ANKAR: variants seen among roughly 807,000 people sequenced by gnomAD.
ANKAR encodes ankyrin and armadillo repeat containing, also known as ankyrin and armadillo repeat-containing protein.
In ANKAR, 136 loss-of-function variants were observed where a neutral mutation model predicts 146.2. The observed-to-expected ratio is 0.93, with a 90% CI of 0.81 to 1.07. The LOEUF is 1.07. Ranked by LOEUF, ANKAR falls within the 50% of genes least tolerant of loss-of-function variation. ANKAR has a pLI of 0.00. For missense variants in ANKAR, 1,567 were observed against 1,679.9 expected, an observed-to-expected ratio of 0.93 and a Z score of 1.18; for synonymous variants, 500 against 575.8, an observed-to-expected ratio of 0.87 and a Z score of 1.88.
chr2:189,683,707 T>C (rs934518200), intron 2 of ANKAR, among the ~76,000 whole-genome samples: 5 of 152,226 alleles, frequency 3.3e-5, no homozygotes, highest in Admixed American at 3.3e-4. Context: ...TAAGTTGTTA[T>C]ATCACCATTC....
chr2:189,747,477 A>G (rs576985255), downstream of ANKAR: 2 of 152,368 alleles, frequency 1.3e-5, no homozygotes, highest in African/African-American at 2.4e-5. Flanking sequence ...ATTGCCCATC[A>G]AGTACATGAG....
rs113995284 is a variant in ANKAR, at chr2:189,696,334, A to G, written c.1673A>G (p.Lys558Arg). 41,589 of 1,613,940 alleles carry G rather than the reference A, an allele frequency of 0.026. 793 individuals carry two copies. Among genetic ancestry groups the G allele is most frequent in the African/African-American group, 0.069 (5,175 of 75,016 alleles). ...IICQLCNANF[K>R]VNQRRFVTFS... Reference sequence around the variant, plus strand: ...TGTCAACTGTGCAATGCTAACTTCAAGGTCAACCAGAGGCGCTTTGTTACG... The same window carrying G: ...TGTCAACTGTGCAATGCTAACTTCAGGGTCAACCAGAGGCGCTTTGTTACG... The change falls in exon 7 of 23, where the codon AAG (lysine) becomes AGG (arginine). Residue 558 changes from lysine to arginine, a missense_variant. By Grantham distance (26) the Lys-to-Arg change is conservative (BLOSUM62 2). Coordinates refer to ENST00000684021, the MANE Select transcript of ANKAR (RefSeq NM_001378068.1).
chr2:189,716,527 T>C (rs1208605685), intron 10 of ANKAR, among the ~76,000 whole-genome samples: 1 of 152,162 alleles, frequency 6.6e-6, no homozygotes, highest in East Asian at 1.9e-4. Context: ...AGGTAATTTA[T>C]AGATTCAGTG....
intron 3 of ANKAR, 66 bp from the exon 4 acceptor site, chr2:189,692,189 A>C: frequency 1.5e-6 from 2 of 1,338,960 alleles, no homozygotes; most frequent in African/African-American, 3.0e-5. Flanking sequence ...GAGAAGCTAG[A>C]TCTCTTAAAA....
intron 2 of ANKAR, among the ~76,000 whole-genome samples, chr2:189,679,173 T>G: frequency 6.6e-6 from 1 of 152,194 alleles, no homozygotes; most frequent in Non-Finnish European, 1.5e-5. Flanking sequence ...AGTATTTTAT[T>G]TTATGTTATG....
In ANKAR at chr2:189,692,275, C is replaced by G; in HGVS notation, c.1060C>G (p.Arg354Gly). ...TGGAGATGACAAGGTCAAGACAGAG[C>G]GAGAATTGCCTCCATTTATTTATGG... ...PFSDDKVKTE[R>G]ELPPFIYGRD... Residue 354 changes from arginine (R) to glycine (G), a missense_variant, in exon 4 of 23, where the codon CGA (arginine) becomes GGA (glycine). Arg to Gly is a moderately radical substitution (Grantham distance 125). Coordinates refer to ENST00000684021, the MANE Select transcript of ANKAR (RefSeq NM_001378068.1). 3 of 1,611,118 alleles carry G rather than the reference C, an allele frequency of 1.9e-6. No individual in the cohort carries two copies. The highest frequency in any genetic ancestry group is 2.5e-6 in the Non-Finnish European group (3 of 1,179,060).
chr2:189,694,665 A>AG (rs2036937042), intron 5 of ANKAR, among the ~76,000 whole-genome samples: 1 of 152,184 alleles, frequency 6.6e-6, no homozygotes, highest in South Asian at 2.1e-4. Flanking sequence ...AAAGAATAAG[A>AG]GGTAGGTAAG....
chr2:189,752,354 T>C (rs2045400562), intron 18 of ANKAR, among the ~76,000 whole-genome samples: 1 of 152,146 alleles, frequency 6.6e-6, no homozygotes, highest in African/African-American at 2.4e-5. Context: ...GTTCTTGACA[T>C]TGCAAAAGTC....
intron 10 of ANKAR, among the ~76,000 whole-genome samples, chr2:189,713,218 T>C (rs550806341): frequency 1.3e-5 from 2 of 152,166 alleles, no homozygotes; most frequent in African/African-American, 4.8e-5. Flanking sequence ...CAGGAGAACT[T>C]CCCCAACCTA....
intron 4 of ANKAR, chr2:189,692,679 A>G (rs2036601541): frequency 3.0e-6 from 1 of 328,480 alleles, no homozygotes; most frequent in African/African-American, 2.2e-5. Context: ...AAGACTTCTA[A>G]TGGACTATAT....
intron 2 of ANKAR, 92 bp downstream of exon 2, chr2:189,677,183 TCAAGCCATTCACCC>T (rs2033851629): frequency 7.7e-7 from 1 of 1,302,382 alleles, no homozygotes; most frequent in East Asian, 2.6e-5. Flanking sequence ...ACCCCTGAGC[TCAAGCCATTCACCC>T]ACCTAGGCCT....
intron 15 of ANKAR, 25 bp downstream of exon 15, chr2:189,728,846 T>G (rs1170030323): frequency 1.9e-6 from 3 of 1,594,788 alleles, no homozygotes; most frequent in Admixed American, 3.4e-5. Context: ...TCTCAATTTC[T>G]TAAATATCTG....
At chr2:189,686,532 G>A (rs1435240616) in intron 2 of ANKAR, among the ~76,000 whole-genome samples, 1 of 151,902 alleles carries the variant, frequency 6.6e-6, no homozygotes, top group Admixed American at 6.5e-5. Flanking sequence ...CAGTTTCTTT[G>A]TTTATTATGC....
At chr2:189,727,681 T>C (rs2042027936) in intron 12 of ANKAR, 175 bp from the exon 13 acceptor site, 1 of 664,460 alleles carries the variant, frequency 1.5e-6, no homozygotes, top group South Asian at 2.3e-5. Context: ...ATGCCAAATG[T>C]TTGATTGTGT....
intron 5 of ANKAR, among the ~76,000 whole-genome samples, chr2:189,694,446 A>G (rs2036897703): frequency 6.6e-6 from 1 of 152,112 alleles, no homozygotes; most frequent in Admixed American, 6.5e-5. Flanking sequence ...GAACAGAGTT[A>G]CTCAAAATTT....
At chr2:189,691,726 A>AAT (rs1553512398) in intron 3 of ANKAR, among the ~76,000 whole-genome samples, 7 of 149,318 alleles carry the variant, frequency 4.7e-5, no homozygotes, top group Admixed American at 6.7e-5. Flanking sequence ...ATATATATAT[A>AAT]ATATATAAAC....
intron 10 of ANKAR, among the ~76,000 whole-genome samples, chr2:189,713,696 C>T (rs2040017664): frequency 6.6e-6 from 1 of 152,218 alleles, no homozygotes; most frequent in African/African-American, 2.4e-5. Context: ...TAGGAAGAAA[C>T]TGCATCAACT....
At chr2:189,738,393 C>A (rs936420831) in intron 18 of ANKAR, among the ~76,000 whole-genome samples, 172 bp from the exon 19 acceptor site, 1 of 151,832 alleles carries the variant, frequency 6.6e-6, no homozygotes, top group Admixed American at 6.6e-5. Flanking sequence ...CAGACAGGGA[C>A]AAATACTCTA....
chr2:189,750,566 GA>G, downstream of ANKAR: 1 of 1,482,506 alleles, frequency 6.7e-7, no homozygotes, highest in Non-Finnish European at 9.3e-7. Flanking sequence ...GGACTTTTTT[GA>G]ACAGCAGAAA....
Sources: gnomAD v4.1 joint callset for allele counts (sites outside exome capture counted in the v4.1 genomes callset) on GRCh38, gnomAD v4.1.1 for gene constraint, MANE v1.5 for transcripts, NCBI Gene and HGNC (gene_info 2026-07-23, HGNC 2026-07-21) for gene names.